Variants in MTERF4 observed in about 807,000 individuals in gnomAD.
MTERF4 encodes the protein transcription termination factor 4, mitochondrial.
MTERF4 carries 17 observed loss-of-function variants against 22.5 expected under a neutral mutation model. The observed-to-expected ratio is 0.75, with a 90% CI of 0.52 to 1.13. MTERF4 has a LOEUF of 1.13. Among genes scored for constraint, MTERF4 ranks in the 50% most tolerant of loss-of-function variants. The pLI is 0.00. For synonymous variants in MTERF4, 165 were observed against 175.3 expected (o/e 0.94, Z 0.47); for missense variants, 420 against 466.8 (o/e 0.90, Z 0.92).
downstream of MTERF4, chr2:241,095,058 A>AAGCCCC (rs1444807098): frequency 5.2e-4 from 25 of 47,964 alleles, 2 homozygotes; most frequent in Non-Finnish European, 6.6e-4. Context: ...CTAAGGTGAC[A>AAGCCCC]CGCCCCCCCC....
downstream of MTERF4, chr2:241,070,015 G>C: frequency 6.2e-7 from 1 of 1,613,004 alleles, no homozygotes; most frequent in Non-Finnish European, 8.5e-7. Context: ...CTTGCTGGAG[G>C]CTTATGTCAT....
At chr2:241,082,350 C>T (rs762160226), downstream of MTERF4, 13 of 1,613,032 alleles carry the variant, frequency 8.1e-6, no homozygotes, top group African/African-American at 8.0e-5. Flanking sequence ...GGGAGGGAGG[C>T]GTCTGTCACC....
At chr2:241,100,625 C>T (rs1458255797) in intron 1 of MTERF4, among the ~76,000 whole-genome samples, 5 of 152,062 alleles carry the variant, frequency 3.3e-5, no homozygotes, top group Admixed American at 1.3e-4. Flanking sequence ...CTACACCCTG[C>T]TAATTTTTGT....
downstream of MTERF4, chr2:241,087,603 C>T (rs2063649334): frequency 1.0e-5 from 15 of 1,449,262 alleles, no homozygotes; most frequent in Admixed American, 2.9e-5. Context: ...CCCAGATAGG[C>T]AGCCCCTGGG....
At chr2:241,077,795 G>C (rs2063099769) in intron 4 of MTERF4, among the ~76,000 whole-genome samples, 2 of 152,134 alleles carry the variant, frequency 1.3e-5, no homozygotes, top group African/African-American at 4.8e-5. Flanking sequence ...AAAACCACTA[G>C]GATGGCGGGA....
the MTERF4 span, chr2:241,063,539 GC>G: frequency 7.9e-7 from 1 of 1,259,320 alleles, no homozygotes; most frequent in Non-Finnish European, 1.1e-6. Flanking sequence ...GCATGTGGGC[GC>G]CTCAGACTTG....
Position 241,096,362 on chromosome 2 carries a change from A to T in MTERF4, c.782T>A (p.Ile261Asn), listed in dbSNP as rs2064423102. ...CTCCAGGTAAATGTGTCTCTGCTTA[A>T]TCTTGGTTAGTGAATACTGCAAGTA... ...SEYLQYSLTK[I>N]KQRHIYLERL... is the part of the protein sequence containing the mutation. The change falls in exon 4 of 4, where the codon ATT (isoleucine) becomes AAT (asparagine). Residue 261 changes from isoleucine to asparagine, a missense_variant. Coordinates refer to ENST00000391980, the MANE Select transcript of MTERF4 (RefSeq NM_182501.4). This position sits in a 1 kb window ranked among gnomAD's most constrained non-coding sequence, Gnocchi z 5.1. 9.3e-6 allele frequency: 15 copies of T among 1,614,038 alleles called. No individual in the cohort carries two copies. In the East Asian group the frequency reaches 3.3e-4, roughly 36 times the overall value.
At chr2:241,045,312 T>C in the MTERF4 span, among the ~76,000 whole-genome samples, 3 of 152,184 alleles carry the variant, frequency 2.0e-5, no homozygotes, top group Admixed American at 6.5e-5. Flanking sequence ...GCTTCTAAAA[T>C]TTATATGGCA....
chr2:241,049,178 C>G, the MTERF4 span: 1 of 1,485,400 alleles, frequency 6.7e-7, no homozygotes. Flanking sequence ...GGGGCCCGGA[C>G]AGAAGCCAGG....
At chr2:241,094,248 G>A, downstream of MTERF4, 1 of 466,250 alleles carries the variant, frequency 2.1e-6, no homozygotes, top group Non-Finnish European at 4.4e-6. This position sits in a 1 kb window ranked among gnomAD's most constrained non-coding sequence, Gnocchi z 4.3. Context: ...AACCCAACAG[G>A]CAAGGGCCCC....
chr2:241,096,597 G>T lies in MTERF4; in HGVS notation c.706-159C>A. ...CTAGGATACTGACATTTGTGTGACA[G>T]CCAGCAGTTTCAAAACACTTTCAAA... On this transcript the variant is annotated intron_variant, in intron 3 of 3. Coordinates refer to ENST00000391980, the MANE Select transcript of MTERF4 (RefSeq NM_182501.4). The surrounding 1 kb of genome is among the most constrained non-coding windows in gnomAD (Gnocchi z 5.1). 1 of 805,512 alleles carries T rather than the reference G, an allele frequency of 1.2e-6. No homozygotes were observed. The highest frequency in any genetic ancestry group is 2.7e-5 in the East Asian group (1 of 37,676). 49.9% of individuals were successfully genotyped at this position (805,512 alleles called of 1,614,324 possible).
the MTERF4 span, among the ~76,000 whole-genome samples, chr2:241,066,084 G>A: frequency 6.6e-6 from 1 of 152,164 alleles, no homozygotes; most frequent in Admixed American, 6.5e-5. Flanking sequence ...GAAGAGCCGT[G>A]GGGCAGGCCC....
exon 5 of MTERF4, chr2:241,072,429 G>A (rs1260128772): frequency 5.6e-6 from 2 of 359,224 alleles, no homozygotes; most frequent in Non-Finnish European, 1.1e-5. Context: ...GAGACATGTT[G>A]GCAGGAGTGA....
downstream of MTERF4, among the ~76,000 whole-genome samples, chr2:241,071,045 G>T (rs1219245009): frequency 6.6e-6 from 1 of 152,194 alleles, no homozygotes; most frequent in Admixed American, 6.5e-5. Context: ...GGGCAGGCTG[G>T]GACCTCTGTG....
At chr2:241,058,224 C>A in the MTERF4 span, among the ~76,000 whole-genome samples, 5 of 152,044 alleles carry the variant, frequency 3.3e-5, no homozygotes, top group Non-Finnish European at 7.4e-5. Flanking sequence ...TAATTGGTTC[C>A]GTTCACGAAG....
At chr2:241,053,272 C>T in the MTERF4 span, 6 of 1,602,862 alleles carry the variant, frequency 3.7e-6, no homozygotes, top group Non-Finnish European at 5.1e-6. Context: ...CGCCCCCAGC[C>T]GCATCCGGGT....
chr2:241,049,620 G>A, the MTERF4 span, among the ~76,000 whole-genome samples: 8 of 152,108 alleles, frequency 5.3e-5, no homozygotes, highest in Admixed American at 2.0e-4. Context: ...TGCTAAAATC[G>A]AGAAAAAGAG....
chr2:241,069,406 A>ACCCC (rs1322839629), downstream of MTERF4, among the ~76,000 whole-genome samples: 3 of 151,564 alleles, frequency 2.0e-5, no homozygotes, highest in Admixed American at 6.6e-5. The surrounding 1 kb of genome is among the most constrained non-coding windows in gnomAD (Gnocchi z 4.9). Flanking sequence ...CTAGGCCCAC[A>ACCCC]CCCCCTCCCC....
At chr2:241,048,430 C>A in the MTERF4 span, 3 of 1,604,892 alleles carry the variant, frequency 1.9e-6, no homozygotes, top group Non-Finnish European at 2.6e-6. Context: ...TGGGCCTGGA[C>A]TGCAGGGAGA....
Sources: gnomAD v4.1 joint callset for allele counts (sites outside exome capture counted in the v4.1 genomes callset) on GRCh38, gnomAD v4.1.1 for gene constraint, Gnocchi (gnomAD v3.1) non-coding constraint, MANE v1.5 for transcripts, NCBI Gene and HGNC (gene_info 2026-07-23, HGNC 2026-07-21) for gene names.